The following BBS9 variants were observed in gnomAD, a reference collection of about 807,000 sequenced individuals.
BBS9 encodes the protein Bardet-Biedl syndrome 9, also known as protein PTHB1.
Under a neutral mutation model 117.7 loss-of-function variants are expected in BBS9, and 89 were observed. That is an observed-to-expected ratio of 0.76 (90% CI 0.64 to 0.90). The LOEUF (loss-of-function observed/expected upper bound fraction) is 0.90. BBS9 is among the 40% of genes least tolerant of loss of function. The pLI, the probability that BBS9 is intolerant of heterozygous loss-of-function variation, is 0.00. For missense variants in BBS9, 982 were observed against 1,042.2 expected (o/e 0.94, Z 0.80); for synonymous variants, 379 against 370.9 (o/e 1.02, Z -0.25).
chr7:33,389,277 C>T (rs73313187), intron 19 of BBS9, among the ~76,000 whole-genome samples: 12,157 of 152,208 alleles, frequency 0.08, 511 homozygotes, highest in South Asian at 0.14. Context: ...TCCCCTGCCC[C>T]ACTCCATTCT....
intron 19 of BBS9, among the ~76,000 whole-genome samples, chr7:33,480,361 A>G (rs552775589): frequency 2.0e-5 from 3 of 152,310 alleles, no homozygotes; most frequent in Admixed American, 1.3e-4. Context: ...TTTTATTTGT[A>G]AGGAACATAA....
intron 9 of BBS9, among the ~76,000 whole-genome samples, chr7:33,317,530 A>G (rs1274122956): frequency 6.6e-6 from 1 of 152,142 alleles, no homozygotes; most frequent in Admixed American, 6.6e-5. Context: ...AGTAGAGGCA[A>G]CACCTTTTCG....
chr7:33,587,748 C>G (rs774346929), intron 21 of BBS9, among the ~76,000 whole-genome samples: 10 of 152,034 alleles, frequency 6.6e-5, no homozygotes, highest in Non-Finnish European at 5.9e-5. Flanking sequence ...AATGTTTAAA[C>G]TTTCAGGATA....
intron 9 of BBS9, among the ~76,000 whole-genome samples, chr7:33,325,834 C>T (rs1036645887): frequency 1.3e-5 from 2 of 152,072 alleles, no homozygotes; most frequent in African/African-American, 2.4e-5. Flanking sequence ...TTTTCCCCAA[C>T]AAAAAGAGTC....
chr7:33,633,063 G>T (rs139791026), intron 21 of BBS9, among the ~76,000 whole-genome samples: 38 of 152,238 alleles, frequency 2.5e-4, no homozygotes, highest in African/African-American at 7.5e-4. Flanking sequence ...AACCAAACAA[G>T]GCCTGTGAAT....
intron 19 of BBS9, among the ~76,000 whole-genome samples, chr7:33,420,474 ACTAGTATGCAC>A (rs772901616): frequency 6.6e-6 from 1 of 152,156 alleles, no homozygotes; most frequent in Non-Finnish European, 1.5e-5. Context: ...ACACGGGGAC[ACTAGTATGCAC>A]CTGGCTTATG....
intron 19 of BBS9, among the ~76,000 whole-genome samples, chr7:33,395,195 A>G (rs190758158): frequency 9.1e-4 from 138 of 152,344 alleles, no homozygotes; most frequent in African/African-American, 2.7e-3. Context: ...AGTTCCCTCA[A>G]TTCTGAAATT....
chr7:33,191,041 C>T (rs764427722), intron 5 of BBS9, among the ~76,000 whole-genome samples: 5 of 152,136 alleles, frequency 3.3e-5, no homozygotes, highest in Non-Finnish European at 5.9e-5. Context: ...AGAGACCTTC[C>T]AGAGAGAGTG....
At chr7:33,467,011 T>TTCATTC (rs879920650) in intron 19 of BBS9, among the ~76,000 whole-genome samples, 1 of 105,188 alleles carries the variant, frequency 9.5e-6, no homozygotes. Flanking sequence ...CATTCATTCA[T>TTCATTC]TCTCTCTCTC....
intron 9 of BBS9, among the ~76,000 whole-genome samples, chr7:33,323,254 T>C (rs1358520259): frequency 6.6e-6 from 1 of 152,172 alleles, no homozygotes; most frequent in Non-Finnish European, 1.5e-5. Context: ...TTCTATTTGG[T>C]TTGTAATGCT....
intron 21 of BBS9, among the ~76,000 whole-genome samples, chr7:33,546,175 C>T (rs1047274315): frequency 6.6e-6 from 1 of 151,944 alleles, no homozygotes; most frequent in Non-Finnish European, 1.5e-5. Context: ...CCTCGTGATC[C>T]GCCCACCTCG....
chr7:33,569,836 C>T (rs1304954721), intron 21 of BBS9, among the ~76,000 whole-genome samples: 1 of 152,128 alleles, frequency 6.6e-6, no homozygotes, highest in Non-Finnish European at 1.5e-5. Context: ...ATACATAATA[C>T]ATGATATTCC....
At chr7:33,135,676 C>G (rs1048633601) in intron 1 of BBS9, among the ~76,000 whole-genome samples, 2 of 152,100 alleles carry the variant, frequency 1.3e-5, no homozygotes, top group African/African-American at 4.8e-5. Context: ...CCTGGAAATT[C>G]CATACAAATT....
At chr7:33,534,395 C>T (rs1851053156) in intron 21 of BBS9, 5 of 588,512 alleles carry the variant, frequency 8.5e-6, no homozygotes, top group South Asian at 6.0e-5. Context: ...TGTCTTTTTT[C>T]TTCTCTCTGC....
intron 5 of BBS9, among the ~76,000 whole-genome samples, chr7:33,247,032 A>C (rs557523919): frequency 4.0e-5 from 6 of 149,308 alleles, no homozygotes; most frequent in African/African-American, 1.5e-4. Flanking sequence ...AAGTCTTAAA[A>C]CCCCCCCATT....
intron 4 of BBS9, among the ~76,000 whole-genome samples, chr7:33,165,073 C>G (rs926012865): frequency 6.6e-6 from 1 of 152,082 alleles, no homozygotes; most frequent in Non-Finnish European, 1.5e-5. Context: ...AATTTTATTT[C>G]TCCTTCACTT....
chr7:33,570,759 C>T (rs1232705980), intron 21 of BBS9, among the ~76,000 whole-genome samples: 1 of 152,140 alleles, frequency 6.6e-6, no homozygotes, highest in Non-Finnish European at 1.5e-5. Flanking sequence ...GAGAAGTGTA[C>T]AACATCATTT....
chr7:33,626,783 C>A (rs1315371101), intron 21 of BBS9, among the ~76,000 whole-genome samples: 1 of 152,196 alleles, frequency 6.6e-6, no homozygotes, highest in African/African-American at 2.4e-5. Flanking sequence ...TTCTAAGCAG[C>A]AAAGCATTAA....
intron 9 of BBS9, among the ~76,000 whole-genome samples, chr7:33,284,468 T>C (rs1477152177): frequency 1.3e-5 from 2 of 152,186 alleles, no homozygotes; most frequent in African/African-American, 4.8e-5. Flanking sequence ...AGAATGTTTT[T>C]CATTTTTTCT....
Sources: allele counts gnomAD v4.1 joint callset (sites outside exome capture counted in the v4.1 genomes callset), GRCh38; gene constraint gnomAD v4.1.1; transcripts MANE v1.5; gene names NCBI Gene and HGNC (gene_info 2026-07-23, HGNC 2026-07-21).